The following SENP2 variants were observed in gnomAD, a reference collection of about 807,000 sequenced individuals.
The protein encoded by SENP2 is sentrin-specific protease 2.
Under a neutral mutation model 86.3 loss-of-function variants are expected in SENP2, and 16 were observed. That is an observed-to-expected ratio of 0.19 (90% confidence interval 0.13 to 0.28). The LOEUF (loss-of-function observed/expected upper bound fraction) is 0.28, where lower values mean the gene tolerates loss of function less well. Among genes scored for constraint, SENP2 ranks in the 10% least tolerant of loss-of-function variants. The pLI, the probability that SENP2 is intolerant of heterozygous loss-of-function variation, is 1.00. For missense variants in SENP2, 552 were observed against 703.0 expected (o/e 0.79, Z 2.43); for synonymous variants, 222 against 238.7 (o/e 0.93, Z 0.64).
chr3:185,616,019 C>T (rs912386924), intron 11 of SENP2, among the ~76,000 whole-genome samples: 3 of 151,508 alleles, frequency 2.0e-5, no homozygotes, highest in East Asian at 2.0e-4. Context: ...CGTGCCACCA[C>T]GCCCAGCTAA....
Position 185,614,737 on chromosome 3 carries a change from A to G in SENP2, c.1107A>G (p.Thr369=), listed in dbSNP as rs773949432. 2 of 1,613,790 alleles carry G rather than the reference A, an allele frequency of 1.2e-6. No homozygotes were observed. The highest frequency in any genetic ancestry group is 1.7e-6 in the Non-Finnish European group (2 of 1,179,868). Residue 369 remains threonine (T), a synonymous_variant, in exon 11 of 17, where the codon ACA becomes ACG. Transcript: ENST00000296257. ...DRRTDDLLEL[T]EDMEKEISNA... is the part of the protein sequence containing the mutation. The stretch of plus-strand genomic sequence containing the variant: ...GAACGGACGATCTCCTTGAACTTAC[A>G]GAGGTATTGTTCTTTGTATTGATCC...
chr3:185,589,473 T>C (rs978214380), intron 1 of SENP2, among the ~76,000 whole-genome samples: 1 of 152,202 alleles, frequency 6.6e-6, no homozygotes, highest in South Asian at 2.1e-4. Flanking sequence ...GAAAATACTG[T>C]CCTAAACTCT....
intron 3 of SENP2, 65 bp downstream of exon 3, chr3:185,598,610 A>T: frequency 6.6e-7 from 1 of 1,505,010 alleles, no homozygotes; most frequent in Non-Finnish European, 9.0e-7. Context: ...ATTTTAGAAA[A>T]TTCTCTCTTC....
intron 15 of SENP2, among the ~76,000 whole-genome samples, chr3:185,625,185 C>T (rs1269569048): frequency 6.6e-6 from 1 of 151,412 alleles, no homozygotes; most frequent in Non-Finnish European, 1.5e-5. Flanking sequence ...AATCTTGGCT[C>T]ACTGCAAGCT....
intron 15 of SENP2, 124 bp from the exon 16 acceptor site, chr3:185,626,174 G>A (rs997334977): frequency 7.9e-6 from 5 of 632,220 alleles, no homozygotes; most frequent in African/African-American, 5.5e-5. Flanking sequence ...GTGTGTTTAG[G>A]TAATACCTGA....
chr3:185,618,103 C>G (rs1158526187), intron 12 of SENP2, among the ~76,000 whole-genome samples: 3 of 152,170 alleles, frequency 2.0e-5, no homozygotes, highest in African/African-American at 7.2e-5. Flanking sequence ...CGCCACCATG[C>G]CCGGCTAATT....
rs369443283 is a variant in SENP2 at position 185,623,188 on chromosome 3, C to G, written c.1527-810C>G. ...TGGAGTTTCACTCTTGCTGCCCAGG[C>G]TGGAGTGCAATGGCGTGATCTCGGC... is the stretch of plus-strand genomic sequence containing the variant. On this transcript the variant is annotated intron_variant, in intron 14 of 16. Coordinates refer to ENST00000296257, the MANE Select transcript of SENP2 (RefSeq NM_021627.3). 5.3e-5 allele frequency among the ~76,000 whole-genome samples: 8 copies of G among 150,780 alleles called. No homozygotes were observed. The East Asian group carries it at 1.6e-3, about 29-fold the overall frequency.
At chr3:185,621,933 C>T in intron 14 of SENP2, 28 bp downstream of exon 14, 6 of 1,458,000 alleles carry the variant, frequency 4.1e-6, no homozygotes, top group Non-Finnish European at 5.8e-6. Flanking sequence ...ACCTCACTAC[C>T]CCCTGTTGAG....
At chr3:185,601,558 T>G (rs1196221037) in intron 5 of SENP2, among the ~76,000 whole-genome samples, 1 of 152,174 alleles carries the variant, frequency 6.6e-6, no homozygotes, top group Non-Finnish European at 1.5e-5. Flanking sequence ...TACTTTCCTT[T>G]GTAGAATTTT....
At chr3:185,629,397 T>G (rs1292676839) in intron 16 of SENP2, among the ~76,000 whole-genome samples, 1 of 152,032 alleles carries the variant, frequency 6.6e-6, no homozygotes, top group Non-Finnish European at 1.5e-5. Flanking sequence ...GCCAACATGG[T>G]GAAACCCTGT....
chr3:185,624,423 T>C (rs1286047144), intron 15 of SENP2, among the ~76,000 whole-genome samples: 1 of 152,210 alleles, frequency 6.6e-6, no homozygotes, highest in Non-Finnish European at 1.5e-5. Context: ...TATTAACATA[T>C]GCTTGCATGT....
intron 16 of SENP2, among the ~76,000 whole-genome samples, chr3:185,628,753 A>T (rs940905426): frequency 1.3e-5 from 2 of 150,124 alleles, no homozygotes; most frequent in Admixed American, 1.3e-4. Context: ...TGATATGCCC[A>T]CCTTGGCCTC....
intron 1 of SENP2, among the ~76,000 whole-genome samples, chr3:185,588,050 ATTTT>A (rs1196425963): frequency 8.8e-4 from 57 of 64,784 alleles, no homozygotes; most frequent in South Asian, 1.6e-3. Flanking sequence ...CTACCGGCTA[ATTTT>A]TTTTTTTTTT....
Position 185,599,153 on chromosome 3 carries a change from A to G in SENP2, c.358+129A>G. ...AGAAAGACATTCTTTCTACCGTTCT[A>G]AAAAGCAAATAGCTTTTCTTCAGAA... On this transcript the variant is annotated intron_variant, in intron 4 of 16. Transcript: ENST00000296257. 4.6e-6 allele frequency: 3 copies of G among 658,748 alleles called. No individual in the cohort carries two copies. The South Asian group carries it at 6.3e-5, about 14-fold the overall frequency. The allele number at this position is 658,748 out of a possible 1,614,324, so 40.8% of individuals were successfully genotyped here. A position where few individuals can be genotyped will look rare whatever the true frequency, so the allele number is the denominator to read the frequency against.
rs765402142 is a variant in SENP2 at position 185,586,526 on chromosome 3, G to A, written c.101+12G>A. 23 of 1,609,576 alleles carry A rather than the reference G, an allele frequency of 1.4e-5. 1 individual carries two copies. The South Asian group carries it at 2.4e-4, about 17-fold the overall frequency. ...CGGCGCTCAGACAGGTGAGACGAGAGGGGGCTGAGCGCCAGCCTGGCCTTA... is the reference window on the plus strand; with the variant it reads ...CGGCGCTCAGACAGGTGAGACGAGAAGGGGCTGAGCGCCAGCCTGGCCTTA... On this transcript the variant is annotated intron_variant, in intron 1 of 16. Coordinates refer to ENST00000296257, the MANE Select transcript of SENP2 (RefSeq NM_021627.3). The surrounding 1 kb of genome is among the most constrained non-coding windows in gnomAD (Gnocchi z 4.3).
rs1286875213 is a variant in SENP2, at chr3:185,630,266, A to G, written c.*422A>G. The G allele has an allele frequency of 1.2e-5, 2 of 162,934 alleles. No individual in the cohort carries two copies. Among genetic ancestry groups the G allele is most frequent in the African/African-American group, 2.4e-5 (1 of 42,160 alleles). The allele number at this position is 162,934 out of a possible 1,614,324, so 10.1% of individuals were successfully genotyped here. Reference sequence around the variant, plus strand: ...GCTGCTCTTTTACAGTTAGCTCTAAATTACTTGTTTGAACTATTTATTTCT... The same window carrying G: ...GCTGCTCTTTTACAGTTAGCTCTAAGTTACTTGTTTGAACTATTTATTTCT... On this transcript the variant is annotated 3_prime_UTR_variant, in exon 17 of 17. Coordinates refer to ENST00000296257, the MANE Select transcript of SENP2 (RefSeq NM_021627.3).
At chr3:185,601,501 A>T (rs1276955655) in intron 5 of SENP2, among the ~76,000 whole-genome samples, 1 of 152,152 alleles carries the variant, frequency 6.6e-6, no homozygotes, top group Non-Finnish European at 1.5e-5. Context: ...ATTTTCATAC[A>T]CTGGTCATAT....
chr3:185,590,012 A>G, intron 1 of SENP2, 102 bp from the exon 2 acceptor site: 1 of 583,078 alleles, frequency 1.7e-6, no homozygotes, highest in Non-Finnish European at 2.8e-6. Flanking sequence ...TTTATGACAA[A>G]GTGATAGAAG....
chr3:185,619,467 G>C lies in SENP2; in HGVS notation c.1411G>C (p.Val471Leu). Residue 471 changes from valine to leucine, a missense_variant, in exon 13 of 17, where the codon GTG becomes CTG. Val to Leu is a conservative substitution (Grantham distance 32, BLOSUM62 1). This residue lies in a region of SENP2 where 169 missense variants were observed against 275.7 expected (regional missense o/e 0.61). Coordinates refer to ENST00000296257, the MANE Select transcript of SENP2 (RefSeq NM_021627.3). ...TCTCTTTGAACAAGAAATTATTCTG[G>C]TGCCTATTCATCGGAAGGTACATTG... Reference protein sequence around the residue: ...VNLFEQEIILVPIHRKVHWSL... With the variant: ...VNLFEQEIILLPIHRKVHWSL... 6.2e-7 allele frequency: 1 copy of C among 1,614,088 alleles called. No homozygotes were observed. The highest frequency in any genetic ancestry group is 8.5e-7 in the Non-Finnish European group (1 of 1,179,994).
Sources: gnomAD v4.1 joint callset for allele counts (sites outside exome capture counted in the v4.1 genomes callset) on GRCh38, gnomAD v4.1.1 for gene constraint, gnomAD v4.1.1 regional missense constraint, Gnocchi (gnomAD v3.1) non-coding constraint, MANE v1.5 for transcripts, NCBI Gene and HGNC (gene_info 2026-07-23, HGNC 2026-07-21) for gene names.